Variants in EFHD2 observed in about 807,000 individuals in gnomAD.
EFHD2 encodes EF-hand domain family member D2, also known as EF-hand domain-containing protein D2.
Under a neutral mutation model 20.3 loss-of-function variants are expected in EFHD2, and 12 were observed. The observed-to-expected ratio is 0.59, with a 90% confidence interval of 0.38 to 0.96. EFHD2 has a LOEUF of 0.96. EFHD2 is among the 40% of genes least tolerant of loss of function. The pLI is 0.00. For missense variants in EFHD2, 250 were observed against 334.3 expected (o/e 0.75, Z 1.97); for synonymous variants, 131 against 143.9 (o/e 0.91, Z 0.64).
At chr1:15,418,269 C>T (rs186215081) in intron 1 of EFHD2, among the ~76,000 whole-genome samples, 3,937 of 144,156 alleles carry the variant, frequency 0.027, 154 homozygotes, top group African/African-American at 0.091. Flanking sequence ...AGATTACAGG[C>T]GTGAGCCACT....
At position 15,428,935 on chromosome 1, in the gene EFHD2, G is replaced by A. The variant is rs545150355; in HGVS notation, c.*211G>A. On this transcript the variant is annotated 3_prime_UTR_variant, in exon 4 of 4. Transcript: ENST00000375980. ...CTCTGCACGAGGCCGCCACACCGGC[G>A]CTGGCTCCCTGCCCGGCCCGGCCCT... 11 of 683,908 alleles carry A rather than the reference G, an allele frequency of 1.6e-5. No individual in the cohort carries two copies. The highest frequency in any genetic ancestry group is 6.2e-5 in the Admixed American group (2 of 32,408). The allele number at this position is 683,908 out of a possible 1,614,324, so 42.4% of individuals were successfully genotyped here.
At chr1:15,421,317 G>A (rs779836257) in intron 1 of EFHD2, among the ~76,000 whole-genome samples, 5 of 152,152 alleles carry the variant, frequency 3.3e-5, no homozygotes, top group Non-Finnish European at 7.3e-5. Context: ...AGAGCCCAGG[G>A]CACAGGGCAG....
rs996185562 is a variant in EFHD2 at position 15,413,434 on chromosome 1, G to T, written c.308+3155G>T. Among the ~76,000 whole-genome samples, 1 of 152,170 alleles carries T rather than the reference G, an allele frequency of 6.6e-6. No individual in the cohort carries two copies. Among genetic ancestry groups the T allele is most frequent in the African/African-American group, 2.4e-5 (1 of 41,438 alleles). ...CAAAGGTCCTTCAGCCCTGACCTGC[G>T]TATGTCTGAGGGGTCCTGAGCCCTT... On this transcript the variant is annotated intron_variant, in intron 1 of 3. Coordinates refer to ENST00000375980, the MANE Select transcript of EFHD2 (RefSeq NM_024329.6). The surrounding 1 kb of genome is among the most constrained non-coding windows in gnomAD (Gnocchi z 4.4).
At position 15,426,465 on chromosome 1, in the gene EFHD2, C is replaced by G. The variant is rs1707873433; in HGVS notation, c.456+447C>G. ...CTCCGAGACAGGAGCTAGGGGCAAGCCGGTTTCGCAGGGAAGGAAATGGAG... is the reference window on the plus strand; with the variant it reads ...CTCCGAGACAGGAGCTAGGGGCAAGGCGGTTTCGCAGGGAAGGAAATGGAG... On this transcript the variant is annotated intron_variant, in intron 2 of 3. Transcript: ENST00000375980. The surrounding 1 kb of genome is among the most constrained non-coding windows in gnomAD (Gnocchi z 4.6). Among the ~76,000 whole-genome samples the G allele has an allele frequency of 1.3e-5, 2 of 152,062 alleles. No individual in the cohort carries two copies. The highest frequency in any genetic ancestry group is 2.4e-5 in the African/African-American group (1 of 41,386).
At chr1:15,416,829 G>A (rs993146320) in intron 1 of EFHD2, among the ~76,000 whole-genome samples, 1 of 151,406 alleles carries the variant, frequency 6.6e-6, no homozygotes, top group African/African-American at 2.4e-5. Flanking sequence ...TTTTTTTTAA[G>A]AGACAGAGTC....
intron 1 of EFHD2, among the ~76,000 whole-genome samples, chr1:15,418,450 C>G (rs987090920): frequency 4.7e-5 from 7 of 150,512 alleles, no homozygotes; most frequent in South Asian, 2.1e-4. Flanking sequence ...GGACTACAGG[C>G]GCCCACCATC....
At chr1:15,419,238 G>C (rs953586016) in intron 1 of EFHD2, among the ~76,000 whole-genome samples, 1 of 152,200 alleles carries the variant, frequency 6.6e-6, no homozygotes. Context: ...TTTCGAGAGG[G>C]GGATGGATGG....
intron 1 of EFHD2, among the ~76,000 whole-genome samples, chr1:15,411,785 G>A (rs1348583038): frequency 6.6e-6 from 1 of 152,172 alleles, no homozygotes; most frequent in Non-Finnish European, 1.5e-5. Flanking sequence ...AGGAGGTGGG[G>A]GCAGACCAGG....
intron 1 of EFHD2, among the ~76,000 whole-genome samples, chr1:15,414,711 G>A (rs1251295495): frequency 6.6e-6 from 1 of 152,210 alleles, no homozygotes; most frequent in Non-Finnish European, 1.5e-5. Context: ...CTTTGCTTTG[G>A]GCCCTAGTGA....
intron 1 of EFHD2, among the ~76,000 whole-genome samples, chr1:15,418,638 C>CTG: frequency 6.6e-6 from 1 of 150,430 alleles, no homozygotes; most frequent in African/African-American, 2.4e-5. Context: ...CCAAGATAGG[C>CTG]CCCCCCTTAA....
At chr1:15,428,245 C>T (rs1557503137) in intron 3 of EFHD2, among the ~76,000 whole-genome samples, 2 of 152,136 alleles carry the variant, frequency 1.3e-5, no homozygotes. Context: ...GTCATCCCAG[C>T]ACTTTGGGAG....
chr1:15,428,578 C>T lies in EFHD2; in HGVS notation c.592-15C>T, dbSNP rs1004445921. 1.9e-6 allele frequency: 3 copies of T among 1,609,710 alleles called. No individual in the cohort carries two copies. Among genetic ancestry groups the T allele is most frequent in the African/African-American group, 1.3e-5 (1 of 74,830 alleles). On this transcript the variant is annotated splice_polypyrimidine_tract_variant and intron_variant, in intron 3 of 3. Transcript: ENST00000375980. ...ACCATCCAGCCCTGACCCCCTCACC[C>T]CCATGCCCCCGCAGGTCCAGGCCAT...
At chr1:15,411,967 G>T (rs1707533593) in intron 1 of EFHD2, among the ~76,000 whole-genome samples, 1 of 152,138 alleles carries the variant, frequency 6.6e-6, no homozygotes, top group East Asian at 1.9e-4. Context: ...CTGGTTCCCA[G>T]TTGCGGGTGG....
intron 1 of EFHD2, among the ~76,000 whole-genome samples, chr1:15,420,329 T>C (rs933346445): frequency 2.6e-5 from 4 of 152,130 alleles, no homozygotes; most frequent in African/African-American, 9.7e-5. Flanking sequence ...TCAGCTCATT[T>C]TCATTTTCTT....
intron 1 of EFHD2, among the ~76,000 whole-genome samples, chr1:15,422,058 C>A (rs1707800461): frequency 6.6e-6 from 1 of 151,166 alleles, no homozygotes; most frequent in Non-Finnish European, 1.5e-5. Flanking sequence ...GCCTCAGCTC[C>A]ACTGGCACTT....
chr1:15,427,533 C>T (rs1360956823), intron 3 of EFHD2, among the ~76,000 whole-genome samples: 1 of 152,194 alleles, frequency 6.6e-6, no homozygotes, highest in African/African-American at 2.4e-5. Flanking sequence ...CAGGGATTAC[C>T]TTGAGGTGCC....
rs1707884905 is a variant in EFHD2, at chr1:15,427,170, G to A, written c.477G>A (p.Lys159=). The change falls in exon 3 of 4, where the codon AAG becomes AAA. Residue 159 remains lysine, a synonymous_variant. Coordinates refer to ENST00000375980, the MANE Select transcript of EFHD2 (RefSeq NM_024329.6). ...SFREFLLIFR[K]AAAGELQEDS... ...TGCAGTTCCTCCTGATCTTCCGCAA[G>A]GCGGCGGCCGGGGAGCTTCAGGAGG... The A allele has an allele frequency of 6.2e-7, 1 of 1,611,490 alleles. No homozygotes were observed. The highest frequency in any genetic ancestry group is 1.7e-5 in the Admixed American group (1 of 59,718).
At chr1:15,410,884 C>G (rs1707484617) in intron 1 of EFHD2, among the ~76,000 whole-genome samples, 1 of 152,136 alleles carries the variant, frequency 6.6e-6, no homozygotes, top group South Asian at 2.1e-4. Flanking sequence ...CAGGGATCCC[C>G]CCAACTTCCT....
Position 15,428,927 on chromosome 1 carries a change from A to G in EFHD2, c.*203A>G, listed in dbSNP as rs888548217. The G allele has an allele frequency of 4.0e-6, 3 of 741,958 alleles. No individual in the cohort carries two copies. The highest frequency in any genetic ancestry group is 6.3e-6 in the Non-Finnish European group (3 of 477,766). The allele number at this position is 741,958 out of a possible 1,614,324, so 46.0% of individuals were successfully genotyped here. A position where few individuals can be genotyped will look rare whatever the true frequency, so the allele number is the denominator to read the frequency against. ...CCCTTCCACTCTGCACGAGGCCGCC[A>G]CACCGGCGCTGGCTCCCTGCCCGGC... On this transcript the variant is annotated 3_prime_UTR_variant, in exon 4 of 4. Coordinates refer to ENST00000375980, the MANE Select transcript of EFHD2 (RefSeq NM_024329.6).
Sources: allele counts gnomAD v4.1 joint callset (sites outside exome capture counted in the v4.1 genomes callset), GRCh38; gene constraint gnomAD v4.1.1; non-coding constraint Gnocchi (gnomAD v3.1); transcripts MANE v1.5; gene names NCBI Gene and HGNC (gene_info 2026-07-23, HGNC 2026-07-21).